Variants in HBS1L observed in about 807,000 individuals in gnomAD.
HBS1L encodes HBS1 like translational GTPase, also known as HBS1-like protein.
A neutral mutation model predicts 88.9 loss-of-function variants in HBS1L; 55 were observed. That is an observed-to-expected ratio of 0.62 (90% CI 0.50 to 0.77). The LOEUF (loss-of-function observed/expected upper bound fraction) is 0.77. Among genes scored for constraint, HBS1L ranks in the 30% least tolerant of loss-of-function variants. HBS1L has a pLI of 0.00. For synonymous variants in HBS1L, 267 were observed against 288.5 expected, an observed-to-expected ratio of 0.93 and a Z score of 0.76; for missense variants, 741 against 829.3, an observed-to-expected ratio of 0.89 and a Z score of 1.31.
chr6:135,040,194 G>A (rs1776687441), intron 3 of HBS1L, among the ~76,000 whole-genome samples: 1 of 152,000 alleles, frequency 6.6e-6, no homozygotes, highest in Non-Finnish European at 1.5e-5. Flanking sequence ...TTCTCAAGCT[G>A]CTACCTTAAG....
intron 7 of HBS1L, among the ~76,000 whole-genome samples, chr6:134,995,078 A>G (rs1309517520): frequency 7.6e-6 from 1 of 131,292 alleles, no homozygotes; most frequent in East Asian, 2.3e-4. Flanking sequence ...ATTCTCTTTA[A>G]TAATTCCCAA....
rs146520089 is a variant in HBS1L at position 135,048,574 on chromosome 6, G to A, written c.109+2008C>T. 4.8e-3 allele frequency among the ~76,000 whole-genome samples: 724 copies of A among 152,312 alleles called. 4 individuals carry two copies. The highest frequency in any genetic ancestry group is 0.016 in the African/African-American group (659 of 41,560). The stretch of plus-strand genomic sequence containing the variant: ...TCACAGCTGCAAGGAGCCTCCATCA[G>A]CTTCTAAAAGGTGGTTTCAACCTTG... On this transcript the variant is annotated intron_variant, in intron 2 of 17. Transcript: ENST00000367837.
At chr6:135,035,989 A>C in intron 4 of HBS1L, 1 of 648,730 alleles carries the variant, frequency 1.5e-6, no homozygotes, top group South Asian at 7.0e-5. Context: ...TTTTCATTTT[A>C]TTATTATCAA....
At chr6:135,014,677 C>T (rs1775866813) in intron 4 of HBS1L, among the ~76,000 whole-genome samples, 1 of 151,918 alleles carries the variant, frequency 6.6e-6, no homozygotes, top group Admixed American at 6.6e-5. Context: ...CTAACCTAGA[C>T]ACTGTTCATG....
chr6:134,997,088 G>T, intron 6 of HBS1L, 146 bp from the exon 7 acceptor site: 1 of 622,412 alleles, frequency 1.6e-6, no homozygotes, highest in Non-Finnish European at 2.7e-6. Flanking sequence ...ACATCTAATA[G>T]AAAAAAAAAA....
At chr6:135,046,578 G>A (rs1776920403) in intron 2 of HBS1L, among the ~76,000 whole-genome samples, 1 of 152,108 alleles carries the variant, frequency 6.6e-6, no homozygotes, top group Non-Finnish European at 1.5e-5. Flanking sequence ...ACCATCCTAG[G>A]CTGGGCATGG....
rs1776755800 is a variant in HBS1L, at chr6:135,042,066, T to C, written c.170A>G (p.Asp57Gly). Residue 57 changes from aspartate to glycine, a missense_variant, in exon 3 of 18, where the codon GAT becomes GGT. Around this residue, in one of 3 missense-constraint regions of HBS1L, gnomAD observed 556 missense variants for 598.4 expected, o/e 0.93. Transcript: ENST00000367837. ...KPSVEPVEEYDYEDLKESSNS... is the reference protein window; with the variant it reads ...KPSVEPVEEYGYEDLKESSNS... ...GGAAGATTCTTTCAGATCTTCATAA[T>C]CATATTCTTCCACAGGCTCAACGGA... 3.1e-6 allele frequency: 5 copies of C among 1,613,270 alleles called. No homozygotes were observed. In the South Asian group the frequency reaches 4.4e-5, roughly 14 times the overall value.
intron 4 of HBS1L, among the ~76,000 whole-genome samples, chr6:135,016,636 G>T (rs539480745): frequency 4.3e-4 from 66 of 152,264 alleles, no homozygotes; most frequent in African/African-American, 1.5e-3. Flanking sequence ...GATGTAACTT[G>T]CATATCAAGC....
At position 134,969,227 on chromosome 6, in the gene HBS1L, A is replaced by G. The variant is rs574331762; in HGVS notation, c.1898+11T>C. On this transcript the variant is annotated intron_variant, in intron 16 of 17. Transcript: ENST00000367837. ...ATTGCTTGTTTATCATTTCTGTATT[A>G]AAACACTCACTTAGGCTTTTTCTTT... The G allele has an allele frequency of 7.7e-5, 121 of 1,562,366 alleles. 1 individual carries two copies. In the South Asian group the frequency reaches 1.3e-3, roughly 16 times the overall value.
chr6:135,013,823 T>A (rs898536872), intron 4 of HBS1L, among the ~76,000 whole-genome samples: 10 of 152,190 alleles, frequency 6.6e-5, no homozygotes, highest in African/African-American at 2.4e-4. Flanking sequence ...TACAAATAAG[T>A]ATTTAACTAC....
chr6:134,978,038 T>C (rs1485599537), intron 15 of HBS1L, among the ~76,000 whole-genome samples: 3 of 151,988 alleles, frequency 2.0e-5, no homozygotes, highest in East Asian at 3.8e-4. Flanking sequence ...CCTTACAACA[T>C]GCAGGTTCTG....
At chr6:135,024,735 G>A (rs1372458552) in intron 4 of HBS1L, among the ~76,000 whole-genome samples, 2 of 151,776 alleles carry the variant, frequency 1.3e-5, no homozygotes, top group Non-Finnish European at 2.9e-5. Flanking sequence ...GAACTAAAAT[G>A]TTGTCTAAAT....
intron 4 of HBS1L, among the ~76,000 whole-genome samples, chr6:135,016,201 A>C (rs184561045): frequency 6.6e-6 from 1 of 152,278 alleles, no homozygotes; most frequent in Non-Finnish European, 1.5e-5. Context: ...AAAAATATTA[A>C]TGCTTTGTCC....
intron 4 of HBS1L, chr6:135,037,961 T>C (rs1042320599): frequency 1.9e-6 from 3 of 1,542,902 alleles, no homozygotes; most frequent in African/African-American, 1.4e-5. Flanking sequence ...TCCAAATGAT[T>C]TGCTGACTGA....
In HBS1L at chr6:134,986,199, A is replaced by G; in HGVS notation, c.1306-16T>C. 8.3e-7 allele frequency: 1 copy of G among 1,199,754 alleles called. No individual in the cohort carries two copies. Among genetic ancestry groups the G allele is most frequent in the East Asian group, 2.3e-5 (1 of 42,822 alleles). 74.3% of individuals were successfully genotyped at this position (1,199,754 alleles called of 1,614,324 possible). A position where few individuals can be genotyped will look rare whatever the true frequency, so the allele number is the denominator to read the frequency against. On this transcript the variant is annotated splice_polypyrimidine_tract_variant and intron_variant, in intron 10 of 17. Transcript: ENST00000367837. ...CATCACTCTCCTATTAAAAAGATTG[A>G]CTTATGAAACTTAATACAACATTTT...
Position 134,997,665 on chromosome 6 carries a change from G to T in HBS1L, c.540-9C>A. On this transcript the variant is annotated splice_polypyrimidine_tract_variant and intron_variant, in intron 5 of 17. Coordinates refer to ENST00000367837, the MANE Select transcript of HBS1L (RefSeq NM_006620.4). ...TTTCTTCAGAAGATACTCTACAGAA[G>T]GCAGATAGGAAAAAAGTATTTGAAA... is the stretch of plus-strand genomic sequence containing the variant. 1 of 1,612,982 alleles carries T rather than the reference G, an allele frequency of 6.2e-7. No homozygotes were observed. Among genetic ancestry groups the T allele is most frequent in the East Asian group, 2.2e-5 (1 of 44,868 alleles).
rs1339456044 is a variant in HBS1L at position 134,978,743 on chromosome 6, C to A, written c.1733G>T (p.Cys578Phe). ...FCGPKVPIKA[C>F]TRFRARILIF... ...GAGGATTCGGGCTCTGAAACGAGTG[C>A]AAGCTTTAATGGGTACTTTGGGGCC... The change falls in exon 15 of 18, where the codon TGC becomes TTC. Residue 578 changes from cysteine (C) to phenylalanine (F), a missense_variant. Coordinates refer to ENST00000367837, the MANE Select transcript of HBS1L (RefSeq NM_006620.4). 4 of 1,609,226 alleles carry A rather than the reference C, an allele frequency of 2.5e-6. No individual in the cohort carries two copies. The African/African-American group carries it at 5.4e-5, about 22-fold the overall frequency.
At chr6:135,039,520 T>A in intron 4 of HBS1L, 53 bp downstream of exon 4, 2 of 1,408,872 alleles carry the variant, frequency 1.4e-6, no homozygotes, top group Non-Finnish European at 2.0e-6. Context: ...CGAAAGCCTC[T>A]CTTTAGGCAT....
In HBS1L at chr6:135,032,267, T is replaced by C. The variant is rs1776408867; in HGVS notation, c.430+7306A>G. Among the ~76,000 whole-genome samples, 3 of 151,086 alleles carry C rather than the reference T, an allele frequency of 2.0e-5. No individual in the cohort carries two copies. The South Asian group carries it at 6.2e-4, about 31-fold the overall frequency. ...AAAATCCTAATGGATAGATTGTATG[T>C]TTTTACATTTGATTTAGGAAAATCT... On this transcript the variant is annotated intron_variant, in intron 4 of 17. Coordinates refer to ENST00000367837, the MANE Select transcript of HBS1L (RefSeq NM_006620.4).
Sources: allele counts gnomAD v4.1 joint callset (sites outside exome capture counted in the v4.1 genomes callset), GRCh38; gene constraint gnomAD v4.1.1; regional missense constraint gnomAD v4.1.1; transcripts MANE v1.5; gene names NCBI Gene and HGNC (gene_info 2026-07-23, HGNC 2026-07-21).